The following FAF1 variants were observed in gnomAD, a reference collection of about 807,000 sequenced individuals.
FAF1 encodes the protein FAS-associated factor 1.
Under a neutral mutation model 92.5 loss-of-function variants are expected in FAF1, and 25 were observed. The ratio of observed to expected loss-of-function variants is 0.27; its 90% CI spans 0.20 to 0.38. FAF1 has a LOEUF of 0.38. FAF1 is among the 10% of genes least tolerant of loss of function. FAF1 has a pLI of 1.00. For missense variants in FAF1, 636 were observed against 793.3 expected (o/e 0.80, Z 2.38); for synonymous variants, 234 against 273.2 (o/e 0.86, Z 1.42).
intron 6 of FAF1, 33 bp downstream of exon 6, chr1:50,738,825 TTTTCA>T (rs1372960575): frequency 4.4e-6 from 6 of 1,362,704 alleles, no homozygotes; most frequent in African/African-American, 2.9e-5. Flanking sequence ...ACAACTGAGT[TTTTCA>T]TTTCATGTTC....
At chr1:50,776,509 G>A (rs939691991) in intron 4 of FAF1, among the ~76,000 whole-genome samples, 9 of 151,682 alleles carry the variant, frequency 5.9e-5, no homozygotes, top group Non-Finnish European at 1.3e-4. Flanking sequence ...CACCACACTC[G>A]AAATAAGCAG....
intron 4 of FAF1, among the ~76,000 whole-genome samples, chr1:50,746,863 C>T (rs1659652208): frequency 6.6e-6 from 1 of 152,176 alleles, no homozygotes; most frequent in African/African-American, 2.4e-5. Context: ...GGCCTCACCA[C>T]CCTGCACAGA....
chr1:50,919,261 A>T (rs193133049), intron 1 of FAF1, among the ~76,000 whole-genome samples: 1 of 152,196 alleles, frequency 6.6e-6, no homozygotes, highest in African/African-American at 2.4e-5. Context: ...TCTGCATATA[A>T]AAAACAGTAA....
intron 2 of FAF1, chr1:50,846,319 G>A (rs1384233459): frequency 4.0e-6 from 1 of 249,936 alleles, no homozygotes; most frequent in Non-Finnish European, 7.9e-6. Flanking sequence ...ATGCATGAGG[G>A]GGCCCAGGCT....
chr1:50,928,782 C>CAAAAAAAAAAAAAAA (rs1157426126), intron 1 of FAF1, among the ~76,000 whole-genome samples: 1,832 of 39,562 alleles, frequency 0.046, 92 homozygotes, highest in Non-Finnish European at 0.071. Flanking sequence ...GACTCCACCT[C>CAAAAAAAAAAAAAAA]AAAAAAAAAA....
intron 7 of FAF1, 78 bp downstream of exon 7, chr1:50,705,708 C>T (rs1569803727): frequency 5.4e-6 from 4 of 741,418 alleles, no homozygotes; most frequent in Admixed American, 4.8e-5. Flanking sequence ...CCAACCAGAA[C>T]AGATAAGCCC....
intron 6 of FAF1, among the ~76,000 whole-genome samples, chr1:50,731,249 T>TA (rs747139003): frequency 1.3e-5 from 2 of 152,204 alleles, no homozygotes; most frequent in African/African-American, 2.4e-5. Context: ...AGGCACACTA[T>TA]AAACACTCCT....
chr1:50,688,486 C>G (rs1656770301), intron 7 of FAF1, among the ~76,000 whole-genome samples: 1 of 152,128 alleles, frequency 6.6e-6, no homozygotes, highest in Admixed American at 6.6e-5. Flanking sequence ...GTGGTACTTA[C>G]ATACAATGGA....
chr1:50,880,702 G>A (rs1241160597), intron 1 of FAF1, among the ~76,000 whole-genome samples: 1 of 152,168 alleles, frequency 6.6e-6, no homozygotes. Flanking sequence ...TGTTGTTTAA[G>A]GCACCCAGTG....
intron 12 of FAF1, among the ~76,000 whole-genome samples, chr1:50,581,468 C>T (rs914649270): frequency 1.3e-5 from 2 of 152,154 alleles, no homozygotes; most frequent in Non-Finnish European, 2.9e-5. Context: ...TTCCTTCCTT[C>T]TTCCCTTTCT....
intron 5 of FAF1, among the ~76,000 whole-genome samples, chr1:50,741,214 A>G (rs1386926106): frequency 6.6e-6 from 1 of 152,240 alleles, no homozygotes; most frequent in African/African-American, 2.4e-5. Context: ...GACTTGAATG[A>G]TGAAAAAGAG....
chr1:50,819,199 G>A (rs1028912269), intron 2 of FAF1, among the ~76,000 whole-genome samples: 1 of 151,890 alleles, frequency 6.6e-6, no homozygotes, highest in African/African-American at 2.4e-5. Context: ...TAGAGCTGGG[G>A]GTTACTAACC....
intron 6 of FAF1, among the ~76,000 whole-genome samples, chr1:50,709,063 A>G (rs542275380): frequency 2.6e-5 from 4 of 152,226 alleles, no homozygotes; most frequent in Non-Finnish European, 4.4e-5. Context: ...TGAGGTTTGA[A>G]GGCCTTTCAA....
intron 15 of FAF1, among the ~76,000 whole-genome samples, chr1:50,524,440 T>C (rs1011070221): frequency 2.6e-5 from 4 of 152,240 alleles, no homozygotes; most frequent in African/African-American, 4.8e-5. Context: ...TTTGGCATTT[T>C]TGTCATGAAG....
chr1:50,547,627 T>C (rs1369552864), intron 13 of FAF1, among the ~76,000 whole-genome samples: 2 of 152,114 alleles, frequency 1.3e-5, no homozygotes, highest in Admixed American at 1.3e-4. Context: ...TTGGTCAGGC[T>C]GGTCTCGAAC....
chr1:50,664,549 G>A (rs1027755105), intron 7 of FAF1, among the ~76,000 whole-genome samples: 8 of 148,322 alleles, frequency 5.4e-5, no homozygotes, highest in Non-Finnish European at 8.8e-5. Flanking sequence ...CCAGCACGCT[G>A]GGAGGCCAAG....
intron 4 of FAF1, among the ~76,000 whole-genome samples, chr1:50,757,935 T>C (rs1187199404): frequency 6.6e-6 from 1 of 152,192 alleles, no homozygotes; most frequent in Non-Finnish European, 1.5e-5. Context: ...TAATTTTTTT[T>C]TTAATGTAGT....
intron 1 of FAF1, among the ~76,000 whole-genome samples, chr1:50,886,021 T>A (rs1644660120): frequency 6.6e-6 from 1 of 152,214 alleles, no homozygotes; most frequent in Non-Finnish European, 1.5e-5. Context: ...TTGTTTCTAT[T>A]TATATCTTCC....
At chr1:50,888,676 G>C (rs1380863254) in intron 1 of FAF1, among the ~76,000 whole-genome samples, 2 of 152,170 alleles carry the variant, frequency 1.3e-5, no homozygotes, top group Admixed American at 1.3e-4. Flanking sequence ...TTACTGATTT[G>C]CGTATGTCGA....
Sources: gnomAD v4.1 joint callset for allele counts (sites outside exome capture counted in the v4.1 genomes callset) on GRCh38, gnomAD v4.1.1 for gene constraint, MANE v1.5 for transcripts, NCBI Gene and HGNC (gene_info 2026-07-23, HGNC 2026-07-21) for gene names.